The following SLCO1B1 variants were observed in gnomAD, a reference collection of about 807,000 sequenced individuals.
SLCO1B1 encodes the protein OATP-2.
SLCO1B1 carries 81 observed loss-of-function variants against 70.1 expected under a neutral mutation model. The observed-to-expected ratio is 1.16, with a 90% CI of 0.97 to 1.39. SLCO1B1 has a LOEUF of 1.39. Among genes scored for constraint, SLCO1B1 ranks in the 40% most tolerant of loss-of-function variants. The probability of loss-of-function intolerance (pLI) is 0.00; values close to 1 mark genes in which losing one functional copy is unlikely to be tolerated. For missense variants in SLCO1B1, 895 were observed against 799.6 expected (o/e 1.12, Z -1.44); for synonymous variants, 283 against 271.5 (o/e 1.04, Z -0.42).
At chr12:21,206,403 A>T (rs780026083) in intron 11 of SLCO1B1, among the ~76,000 whole-genome samples, 2 of 151,930 alleles carry the variant, frequency 1.3e-5, no homozygotes, top group Non-Finnish European at 2.9e-5. Flanking sequence ...AATTCAGGAA[A>T]ATGAGTTAAC....
At chr12:21,154,539 CAT>C (rs1940515552) in intron 2 of SLCO1B1, among the ~76,000 whole-genome samples, 1 of 152,092 alleles carries the variant, frequency 6.6e-6, no homozygotes, top group South Asian at 2.1e-4. Flanking sequence ...CAGACTGAGA[CAT>C]ATGTTCACAT....
chr12:21,214,636 G>T (rs944339770), intron 11 of SLCO1B1, among the ~76,000 whole-genome samples: 1 of 150,732 alleles, frequency 6.6e-6, no homozygotes, highest in African/African-American at 2.4e-5. Flanking sequence ...TCAAGCCTGG[G>T]CAATGGCGGG....
chr12:21,195,533 G>A (rs1941081533), intron 7 of SLCO1B1, among the ~76,000 whole-genome samples: 1 of 152,178 alleles, frequency 6.6e-6, no homozygotes, highest in Admixed American at 6.5e-5. Flanking sequence ...CACCATTTTT[G>A]TGCTCTTTGT....
intron 11 of SLCO1B1, among the ~76,000 whole-genome samples, chr12:21,211,306 C>A (rs1212131882): frequency 2.6e-5 from 4 of 152,156 alleles, no homozygotes; most frequent in Non-Finnish European, 5.9e-5. Flanking sequence ...TTTTCTGCAT[C>A]TATTGAGATA....
chr12:21,144,304 A>C (rs1363054610), intron 2 of SLCO1B1, among the ~76,000 whole-genome samples: 1 of 152,132 alleles, frequency 6.6e-6, no homozygotes, highest in Non-Finnish European at 1.5e-5. Context: ...AAAATAGACC[A>C]AGCTTAAGAA....
chr12:21,199,522 G>A (rs1941131850), intron 8 of SLCO1B1, among the ~76,000 whole-genome samples: 1 of 152,066 alleles, frequency 6.6e-6, no homozygotes, highest in East Asian at 1.9e-4. Flanking sequence ...AAGACAGAGG[G>A]TTAATAATAT....
rs899220584 is a variant in SLCO1B1 at position 21,207,810 on chromosome 12, T to C, written c.1497+1777T>C. Among the ~76,000 whole-genome samples, 7 of 152,006 alleles carry C rather than the reference T, an allele frequency of 4.6e-5. No homozygotes were observed. In the East Asian group the frequency reaches 1.3e-3, roughly 29 times the overall value. ...CTGCAGCCTTGCCAGCGTCTGTTTT[T>C]TTAATGTTTTGAACCAGTCAGCCCT... On this transcript the variant is annotated intron_variant, in intron 11 of 14. Transcript: ENST00000256958.
chr12:21,200,736 T>A, intron 9 of SLCO1B1, 64 bp downstream of exon 9: 2 of 1,373,374 alleles, frequency 1.5e-6, no homozygotes, highest in Non-Finnish European at 2.0e-6. Flanking sequence ...GTATTCCAAG[T>A]GGTATTTTAT....
At chr12:21,199,789 TTTTG>T (rs3060579) in intron 8 of SLCO1B1, among the ~76,000 whole-genome samples, 4,884 of 151,934 alleles carry the variant, frequency 0.032, 194 homozygotes, top group African/African-American at 0.09. Context: ...TTTTGGGTTT[TTTTG>T]TTTGTTTGTT....
intron 2 of SLCO1B1, among the ~76,000 whole-genome samples, chr12:21,148,527 G>A (rs1038501391): frequency 4.6e-5 from 7 of 152,018 alleles, no homozygotes; most frequent in African/African-American, 1.7e-4. Flanking sequence ...TTGTAGATAT[G>A]TGGCATTATT....
At chr12:21,212,013 C>T (rs1014408560) in intron 11 of SLCO1B1, among the ~76,000 whole-genome samples, 1 of 149,754 alleles carries the variant, frequency 6.7e-6, no homozygotes, top group Non-Finnish European at 1.5e-5. Context: ...AAAAAACCAG[C>T]TCCTGGATTC....
At chr12:21,220,387 T>G (rs1279021969) in intron 12 of SLCO1B1, among the ~76,000 whole-genome samples, 1 of 152,124 alleles carries the variant, frequency 6.6e-6, no homozygotes, top group Non-Finnish European at 1.5e-5. Flanking sequence ...TTTTACTTAT[T>G]TATTTATTTA....
intron 1 of SLCO1B1, among the ~76,000 whole-genome samples, 174 bp downstream of exon 1, chr12:21,131,410 C>T (rs539235427): frequency 9.9e-5 from 15 of 151,946 alleles, no homozygotes; most frequent in Non-Finnish European, 1.8e-4. Flanking sequence ...AGTAGAAGAG[C>T]CTCAGGTTTA....
At position 21,181,041 on chromosome 12, in the gene SLCO1B1, A is replaced by G. The variant is rs570206437; in HGVS notation, c.727+2021A>G. Among the ~76,000 whole-genome samples the G allele has an allele frequency of 6.3e-4, 96 of 152,336 alleles. 1 individual carries two copies. In the Middle Eastern group the frequency reaches 0.017, roughly 27 times the overall value. On this transcript the variant is annotated intron_variant, in intron 7 of 14. Coordinates refer to ENST00000256958, the MANE Select transcript of SLCO1B1 (RefSeq NM_006446.5). ...TAAATGAGTAAAGAGTGCCAGGAAC[A>G]GGAATTTAGGGTGTGATGGTTAGAA... is the stretch of plus-strand genomic sequence containing the variant.
intron 12 of SLCO1B1, among the ~76,000 whole-genome samples, chr12:21,218,888 A>G (rs906806071): frequency 6.6e-6 from 1 of 152,224 alleles, no homozygotes; most frequent in Non-Finnish European, 1.5e-5. Flanking sequence ...ATATGACTAC[A>G]GAATAAAAAT....
In SLCO1B1 at chr12:21,230,319, T is replaced by C. The variant is rs1302189949; in HGVS notation, c.1865+5480T>C. 4.3e-5 allele frequency among the ~76,000 whole-genome samples: 6 copies of C among 140,956 alleles called. No individual in the cohort carries two copies. In the East Asian group the frequency reaches 1.0e-3, roughly 25 times the overall value. The allele number at this position is 140,956 out of a possible 152,430, so 92.5% of individuals were successfully genotyped here. On this transcript the variant is annotated intron_variant, in intron 14 of 14. Coordinates refer to ENST00000256958, the MANE Select transcript of SLCO1B1 (RefSeq NM_006446.5). ...GTTCATGAGAGAAGTTGCTCTGTAG[T>C]ATTCTTTTTTTTTTTTTTTTTTTTT...
intron 11 of SLCO1B1, among the ~76,000 whole-genome samples, chr12:21,211,076 G>T (rs897841175): frequency 3.2e-4 from 48 of 152,188 alleles, no homozygotes; most frequent in African/African-American, 1.1e-3. Context: ...TAATTGCCCT[G>T]GCCAGAACTT....
At chr12:21,193,287 G>A (rs778665690) in intron 7 of SLCO1B1, among the ~76,000 whole-genome samples, 1 of 152,096 alleles carries the variant, frequency 6.6e-6, no homozygotes, top group Non-Finnish European at 1.5e-5. Context: ...ATAATTGAAA[G>A]TGAGATATTA....
chr12:21,192,036 T>G (rs1331867667), intron 7 of SLCO1B1, among the ~76,000 whole-genome samples: 3 of 152,056 alleles, frequency 2.0e-5, no homozygotes, highest in African/African-American at 7.2e-5. Context: ...GAGGATTTTC[T>G]CCTCTGTCTT....
Sources: allele counts gnomAD v4.1 joint callset (sites outside exome capture counted in the v4.1 genomes callset), GRCh38; gene constraint gnomAD v4.1.1; transcripts MANE v1.5; gene names NCBI Gene and HGNC (gene_info 2026-07-23, HGNC 2026-07-21).